Variants in SYNJ2 observed in about 807,000 individuals in gnomAD.
SYNJ2 encodes the protein polyphosphatidylinositol phosphatase SYNJ2.
Under a neutral mutation model 141.3 loss-of-function variants are expected in SYNJ2, and 116 were observed. That is an observed-to-expected ratio of 0.82 (90% CI 0.71 to 0.96). The LOEUF (loss-of-function observed/expected upper bound fraction) is 0.96. Among genes scored for constraint, SYNJ2 ranks in the 40% least tolerant of loss-of-function variants. SYNJ2 has a pLI of 0.00. For synonymous variants in SYNJ2, 745 were observed against 777.7 expected, an observed-to-expected ratio of 0.96 and a Z score of 0.70; for missense variants, 1,873 against 1,934.8, an observed-to-expected ratio of 0.97 and a Z score of 0.60.
rs1782321467 is a variant in SYNJ2 at position 158,076,767 on chromosome 6, C to A, written c.2434C>A (p.Pro812Thr). The A allele has an allele frequency of 2.5e-6, 4 of 1,612,130 alleles. No individual in the cohort carries two copies. Among genetic ancestry groups the A allele is most frequent in the Non-Finnish European group, 3.4e-6 (4 of 1,178,968 alleles). The change falls in exon 17 of 27, where the codon CCC (proline) becomes ACC (threonine). Residue 812 changes from proline to threonine, a missense_variant. Physicochemically the swap from Pro to Thr is conservative, Grantham distance 38. Transcript: ENST00000355585. ...GGTGCTGTGGTGGAGGAAGAAACAT[C>A]CCTTTGATAAAACAGGTGAGGGGGC... ...DRVLWWRKKH[P>T]FDKTAGELNL...
At chr6:158,042,122 G>T (rs191716825) in intron 4 of SYNJ2, among the ~76,000 whole-genome samples, 1 of 152,350 alleles carries the variant, frequency 6.6e-6, no homozygotes, top group Non-Finnish European at 1.5e-5. Context: ...CTAATTTCAC[G>T]GTAGCCAACT....
rs573155993 is a variant in SYNJ2 at position 158,062,020 on chromosome 6, G to A, written c.983G>A (p.Gly328Asp). The A allele has an allele frequency of 1.2e-6, 2 of 1,614,098 alleles. No individual in the cohort carries two copies. Among genetic ancestry groups the A allele is most frequent in the Admixed American group, 3.3e-5 (2 of 60,032 alleles). ...CTGCTCTGGGCTTCTTGCCACGCGGGCGACACGCCTATGATCAATTTTGAC... is the reference window on the plus strand; with the variant it reads ...CTGCTCTGGGCTTCTTGCCACGCGGACGACACGCCTATGATCAATTTTGAC... ...KKLLWASCHA[G>D]DTPMINFDFH... The change falls in exon 8 of 27, where the codon GGC (glycine) becomes GAC (aspartate). Residue 328 changes from glycine (G) to aspartate (D), a missense_variant. Gly to Asp is a moderately conservative substitution (Grantham distance 94, BLOSUM62 -1). Coordinates refer to ENST00000355585, the MANE Select transcript of SYNJ2 (RefSeq NM_003898.4).
intron 5 of SYNJ2, among the ~76,000 whole-genome samples, chr6:158,050,213 A>G (rs2128351174): frequency 6.6e-6 from 1 of 152,374 alleles, no homozygotes; most frequent in African/African-American, 2.4e-5. Context: ...CTCAAACTTC[A>G]GCGTGTGTGC....
Position 158,071,994 on chromosome 6 carries a change from C to T in SYNJ2, c.2133+200C>T, listed in dbSNP as rs1781959507. 1.3e-5 allele frequency among the ~76,000 whole-genome samples: 2 copies of T among 152,278 alleles called. No individual in the cohort carries two copies. The highest frequency in any genetic ancestry group is 4.1e-4 in the South Asian group (2 of 4,824). On this transcript the variant is annotated intron_variant, in intron 15 of 26. Transcript: ENST00000355585. The surrounding 1 kb of genome is among the most constrained non-coding windows in gnomAD (Gnocchi z 4.3). ...GGGTTAGCCACGTGCCTGGAGGGGG[C>T]CAGCTTTGCAGCATTTCCCGTTGCT...
intron 6 of SYNJ2, among the ~76,000 whole-genome samples, chr6:158,057,001 A>G (rs912620291): frequency 6.6e-6 from 1 of 151,630 alleles, no homozygotes; most frequent in African/African-American, 2.4e-5. Flanking sequence ...TGGAAGGGCT[A>G]ACCTTTCACA....
rs1242185607 is a variant in SYNJ2 at position 158,071,877 on chromosome 6, G to T, written c.2133+83G>T. On this transcript the variant is annotated intron_variant, in intron 15 of 26. Coordinates refer to ENST00000355585, the MANE Select transcript of SYNJ2 (RefSeq NM_003898.4). The surrounding 1 kb of genome is among the most constrained non-coding windows in gnomAD (Gnocchi z 4.3). ...ACTGTTGATAGGAGCCAGGCACTGG[G>T]GACACAACCACAGGGAGGGCCCCTT... 9.5e-6 allele frequency: 14 copies of T among 1,479,978 alleles called. No homozygotes were observed. The East Asian group carries it at 3.3e-4, about 34-fold the overall frequency. The allele number at this position is 1,479,978 out of a possible 1,614,324, so 91.7% of individuals were successfully genotyped here.
chr6:158,066,740 G>T, intron 12 of SYNJ2, 105 bp downstream of exon 12: 1 of 1,335,110 alleles, frequency 7.5e-7, no homozygotes, highest in South Asian at 1.3e-5. Flanking sequence ...CATCTTTGGT[G>T]TCTTCCCTCC....
chr6:158,014,128 G>A (rs1439065244), intron 1 of SYNJ2, among the ~76,000 whole-genome samples: 1 of 152,160 alleles, frequency 6.6e-6, no homozygotes, highest in Non-Finnish European at 1.5e-5. Flanking sequence ...CATTTCATAA[G>A]ATATTCAACA....
intron 5 of SYNJ2, among the ~76,000 whole-genome samples, chr6:158,053,995 C>T (rs1780719482): frequency 6.8e-6 from 1 of 147,864 alleles, no homozygotes; most frequent in African/African-American, 2.5e-5. Context: ...CCCATTCACC[C>T]ATCCATCTAT....
intron 16 of SYNJ2, among the ~76,000 whole-genome samples, chr6:158,075,039 C>A (rs865795537): frequency 6.6e-6 from 1 of 150,536 alleles, no homozygotes; most frequent in Non-Finnish European, 1.5e-5. Context: ...TCAAGCAATT[C>A]TTGTGCCTCA....
At chr6:158,036,991 A>G (rs1779671017) in intron 4 of SYNJ2, among the ~76,000 whole-genome samples, 1 of 152,172 alleles carries the variant, frequency 6.6e-6, no homozygotes, top group African/African-American at 2.4e-5. Flanking sequence ...CATCTATTGC[A>G]TCTCATCGAG....
At chr6:158,083,184 C>T (rs1782809692) in intron 20 of SYNJ2, among the ~76,000 whole-genome samples, 1 of 152,142 alleles carries the variant, frequency 6.6e-6, no homozygotes. Context: ...CTACCTGCTT[C>T]GGCCTCTCAG....
In SYNJ2 at chr6:158,045,176, C is replaced by T. The variant is rs1190752233; in HGVS notation, c.795+1777C>T. On this transcript the variant is annotated intron_variant, in intron 5 of 26. Transcript: ENST00000355585. ...AGGCTGGAGTGCAGTGGTGCAATCT[C>T]GGCTCACTGCAACATCTGCCCCCCG... Among the ~76,000 whole-genome samples the T allele has an allele frequency of 2.1e-5, 3 of 142,902 alleles. No homozygotes were observed. In the Admixed American group the frequency reaches 2.2e-4, roughly 11 times the overall value. 93.7% of individuals were successfully genotyped at this position (142,902 alleles called of 152,430 possible).
At chr6:158,089,701 G>C (rs1416514792) in intron 24 of SYNJ2, 138 bp from the exon 25 acceptor site, 1 of 593,234 alleles carries the variant, frequency 1.7e-6, no homozygotes, top group Non-Finnish European at 3.0e-6. Context: ...AGGATTGCAG[G>C]GTGTGGTGGA....
rs1783815340 is a variant in SYNJ2, at chr6:158,096,639, A to G, written c.*275A>G. The G allele has an allele frequency of 3.3e-6, 1 of 302,876 alleles. No individual in the cohort carries two copies. Among genetic ancestry groups the G allele is most frequent in the South Asian group, 6.2e-5 (1 of 16,080 alleles). The allele number at this position is 302,876 out of a possible 1,614,324, so 18.8% of individuals were successfully genotyped here. ...TTCGGTGTATGGATTTTAAGAAAGG[A>G]ATCTAGCCAATGAGGTCCAAGAAGT... On this transcript the variant is annotated 3_prime_UTR_variant, in exon 27 of 27. Transcript: ENST00000355585.
In SYNJ2 at chr6:158,032,586, C is replaced by T. The variant is rs924388978; in HGVS notation, c.486-869C>T. ...ACGTAGGGCCTCATGAAGAAAGGCTCGGCGTGAAGAGCGCGGGCTCCAAGC... is the reference window on the plus strand; with the variant it reads ...ACGTAGGGCCTCATGAAGAAAGGCTTGGCGTGAAGAGCGCGGGCTCCAAGC... On this transcript the variant is annotated intron_variant, in intron 3 of 26. Coordinates refer to ENST00000355585, the MANE Select transcript of SYNJ2 (RefSeq NM_003898.4). Among the ~76,000 whole-genome samples the T allele has an allele frequency of 6.6e-5, 10 of 152,276 alleles. No individual in the cohort carries two copies. In the East Asian group the frequency reaches 1.2e-3, roughly 18 times the overall value.
rs1487212672 is a variant in SYNJ2 at position 158,084,913 on chromosome 6, ATATTAT to A, written c.3208+743_3208+748del. Among the ~76,000 whole-genome samples the A allele has an allele frequency of 1.3e-5, 2 of 151,772 alleles. No homozygotes were observed. The highest frequency in any genetic ancestry group is 4.8e-5 in the African/African-American group (2 of 41,254). ...CGTATGGTCACACTCATATAATATC[ATATTAT>A]TATACAGTCATGTCATACGGTCACA... On this transcript the variant is annotated intron_variant, in intron 22 of 26. Transcript: ENST00000355585. The surrounding 1 kb of genome is among the most constrained non-coding windows in gnomAD (Gnocchi z 5.0).
intron 24 of SYNJ2, among the ~76,000 whole-genome samples, chr6:158,089,069 A>C (rs937166264): frequency 3.3e-5 from 5 of 152,178 alleles, no homozygotes; most frequent in South Asian, 4.1e-4. Context: ...TGGGCAGAGC[A>C]TTGCTTGGTA....
At position 158,034,151 on chromosome 6, in the gene SYNJ2, C is replaced by T. The variant is rs139172792; in HGVS notation, c.711+471C>T. 7.6e-3 allele frequency among the ~76,000 whole-genome samples: 1,150 copies of T among 152,292 alleles called. 20 individuals carry two copies. Among genetic ancestry groups the T allele is most frequent in the African/African-American group, 0.026 (1,082 of 41,544 alleles). On this transcript the variant is annotated intron_variant, in intron 4 of 26. Coordinates refer to ENST00000355585, the MANE Select transcript of SYNJ2 (RefSeq NM_003898.4). The stretch of plus-strand genomic sequence containing the variant: ...TAGCACCCTAGAGTTGTGAAATCTG[C>T]GTGTTAAGCAGCCGCTCCCATCCGT...
Sources: gnomAD v4.1 joint callset for allele counts (sites outside exome capture counted in the v4.1 genomes callset) on GRCh38, gnomAD v4.1.1 for gene constraint, Gnocchi (gnomAD v3.1) non-coding constraint, MANE v1.5 for transcripts, NCBI Gene and HGNC (gene_info 2026-07-23, HGNC 2026-07-21) for gene names.